The following KIF6 variants were observed in gnomAD, a reference collection of about 807,000 sequenced individuals.
KIF6 encodes the protein kinesin-like protein KIF6.
KIF6 carries 106 observed loss-of-function variants against 112.7 expected under a neutral mutation model. That is an observed-to-expected ratio of 0.94 (90% CI 0.80 to 1.11). KIF6 has a LOEUF of 1.11. Ranked by LOEUF, KIF6 falls within the 50% of genes least tolerant of loss-of-function variation. The pLI is 0.00. For missense variants in KIF6, 929 were observed against 964.0 expected, an observed-to-expected ratio of 0.96 and a Z score of 0.48; for synonymous variants, 339 against 339.9, an observed-to-expected ratio of 1.00 and a Z score of 0.03.
At chr6:39,398,029 G>T (rs942535340) in intron 15 of KIF6, among the ~76,000 whole-genome samples, 1 of 152,122 alleles carries the variant, frequency 6.6e-6, no homozygotes, top group East Asian at 1.9e-4. Flanking sequence ...AATTTTCTGC[G>T]TCCAAGGGAT....
At chr6:39,529,124 G>A (rs1161005656) in intron 13 of KIF6, among the ~76,000 whole-genome samples, 6 of 152,216 alleles carry the variant, frequency 3.9e-5, no homozygotes, top group Non-Finnish European at 5.9e-5. Context: ...GAACAAAACC[G>A]GATGCTTATC....
chr6:39,420,074 T>C, intron 14 of KIF6, 71 bp from the exon 15 acceptor site: 1 of 1,040,688 alleles, frequency 9.6e-7, no homozygotes, highest in Non-Finnish European at 1.5e-6. Context: ...ATAATAGATT[T>C]CTTAGAGGTC....
At chr6:39,349,859 C>T (rs1331528135) in intron 19 of KIF6, among the ~76,000 whole-genome samples, 1 of 151,940 alleles carries the variant, frequency 6.6e-6, no homozygotes, top group Non-Finnish European at 1.5e-5. Context: ...TTGGCCAAGG[C>T]TGGTCTTGAA....
chr6:39,653,982 T>C (rs1034369325), intron 3 of KIF6, among the ~76,000 whole-genome samples: 2 of 152,182 alleles, frequency 1.3e-5, no homozygotes, highest in Admixed American at 6.5e-5. Context: ...TAGAAATTAG[T>C]TCATTGGTAT....
At position 39,641,333 on chromosome 6, in the gene KIF6, T is replaced by C. The variant is rs572620597; in HGVS notation, c.252-1576A>G. ...GCAGCCATAAAAATTGATGAGTTCA[T>C]GTCCTTTGTAGGGACATGGATGAAG... On this transcript the variant is annotated intron_variant, in intron 3 of 22. Transcript: ENST00000287152. 9.9e-5 allele frequency among the ~76,000 whole-genome samples: 15 copies of C among 152,266 alleles called. No individual in the cohort carries two copies. The South Asian group carries it at 2.5e-3, about 25-fold the overall frequency.
At chr6:39,387,319 T>C (rs1055333462) in intron 15 of KIF6, among the ~76,000 whole-genome samples, 2 of 152,184 alleles carry the variant, frequency 1.3e-5, no homozygotes, top group African/African-American at 4.8e-5. Context: ...GAGGATGCTA[T>C]GATTGATTTC....
chr6:39,596,542 A>G (rs2150686510), intron 6 of KIF6, among the ~76,000 whole-genome samples: 1 of 152,332 alleles, frequency 6.6e-6, no homozygotes, highest in East Asian at 1.9e-4. Flanking sequence ...TTATTTCATT[A>G]CCTGTCTATA....
intron 10 of KIF6, among the ~76,000 whole-genome samples, chr6:39,572,286 T>TA (rs1780684452): frequency 6.6e-6 from 1 of 152,230 alleles, no homozygotes; most frequent in Non-Finnish European, 1.5e-5. Context: ...TATATATACA[T>TA]ATACATGTGT....
chr6:39,574,331 CA>C (rs1780811028), intron 10 of KIF6, among the ~76,000 whole-genome samples: 1 of 152,146 alleles, frequency 6.6e-6, no homozygotes, highest in Admixed American at 6.5e-5. Flanking sequence ...TGTTAAATTA[CA>C]GTCTGTGGTC....
At position 39,574,006 on chromosome 6, in the gene KIF6, T is replaced by C. The variant is rs547404399; in HGVS notation, c.1181+4050A>G. 1.8e-3 allele frequency among the ~76,000 whole-genome samples: 280 copies of C among 152,330 alleles called. 2 individuals are homozygous for C. The highest frequency in any genetic ancestry group is 6.6e-3 in the African/African-American group (275 of 41,586). On this transcript the variant is annotated intron_variant, in intron 10 of 22. Transcript: ENST00000287152. ...TACTGGCAACCCTCCATACTGTCTATAGGATCTGTTGAGGTTGACATTTGT... is the reference window on the plus strand; with the variant it reads ...TACTGGCAACCCTCCATACTGTCTACAGGATCTGTTGAGGTTGACATTTGT...
intron 14 of KIF6, among the ~76,000 whole-genome samples, chr6:39,428,398 A>C (rs1770912684): frequency 6.6e-6 from 1 of 152,222 alleles, no homozygotes; most frequent in African/African-American, 2.4e-5. Context: ...CCAACTAGCC[A>C]TATTAAAAAT....
chr6:39,690,424 G>C (rs1015600881), intron 3 of KIF6: 2 of 152,136 alleles, frequency 1.3e-5, no homozygotes, highest in East Asian at 3.9e-4. Context: ...AGGAGGGAAA[G>C]AGTAGAATTG....
At chr6:39,446,059 T>G (rs1772291007) in intron 13 of KIF6, among the ~76,000 whole-genome samples, 1 of 152,186 alleles carries the variant, frequency 6.6e-6, no homozygotes. Flanking sequence ...AGCAGGCTGC[T>G]CTGTGATTCC....
At chr6:39,460,523 AT>A (rs1413358571) in intron 13 of KIF6, among the ~76,000 whole-genome samples, 8 of 143,762 alleles carry the variant, frequency 5.6e-5, no homozygotes, top group African/African-American at 2.1e-4. Flanking sequence ...TTAAAGTATA[AT>A]AAAAAAAAAA....
chr6:39,478,739 GT>G (rs1774609769), intron 13 of KIF6, among the ~76,000 whole-genome samples: 1 of 134,128 alleles, frequency 7.5e-6, no homozygotes, highest in African/African-American at 2.8e-5. Flanking sequence ...AGTGTTCCCT[GT>G]TCACCGCATC....
chr6:39,546,700 C>A (rs1242552746), intron 10 of KIF6, among the ~76,000 whole-genome samples: 1 of 152,070 alleles, frequency 6.6e-6, no homozygotes, highest in Non-Finnish European at 1.5e-5. Flanking sequence ...TTGGCATGTG[C>A]CTGTAATCCT....
intron 5 of KIF6, among the ~76,000 whole-genome samples, chr6:39,627,387 C>T (rs963426923): frequency 1.3e-5 from 2 of 152,056 alleles, no homozygotes; most frequent in African/African-American, 4.8e-5. Flanking sequence ...TTTATACTAG[C>T]TTTATCCTCT....
chr6:39,537,214 A>C (rs1778488988), intron 13 of KIF6, among the ~76,000 whole-genome samples: 1 of 152,216 alleles, frequency 6.6e-6, no homozygotes, highest in Admixed American at 6.5e-5. Flanking sequence ...AGTTCTGGCC[A>C]GGGCACTCAG....
At chr6:39,392,627 A>G (rs73422669) in intron 15 of KIF6, among the ~76,000 whole-genome samples, 122 of 152,382 alleles carry the variant, frequency 8.0e-4, no homozygotes, top group African/African-American at 2.9e-3. Flanking sequence ...GAAACAAATA[A>G]AAAGTACAGA....
Sources: gnomAD v4.1 joint callset for allele counts (sites outside exome capture counted in the v4.1 genomes callset) on GRCh38, gnomAD v4.1.1 for gene constraint, MANE v1.5 for transcripts, NCBI Gene and HGNC (gene_info 2026-07-23, HGNC 2026-07-21) for gene names.